The following THSD7A variants were observed in gnomAD, a reference collection of about 807,000 sequenced individuals.
THSD7A encodes thrombospondin type 1 domain containing 7A.
In THSD7A, 96 loss-of-function variants were observed where a neutral mutation model predicts 231.3. That is an observed-to-expected ratio of 0.41 (90% CI 0.35 to 0.49). The LOEUF (loss-of-function observed/expected upper bound fraction) is 0.49, where lower values mean the gene tolerates loss of function less well. Ranked by LOEUF, THSD7A falls within the 20% of genes least tolerant of loss-of-function variation. The pLI, the probability that THSD7A is intolerant of heterozygous loss-of-function variation, is 0.05. For missense variants in THSD7A, 2,290 were observed against 2,070.2 expected (o/e 1.11, Z -2.06); for synonymous variants, 940 against 743.3 (o/e 1.26, Z -4.30).
At chr7:11,788,718 T>C (rs900716494) in intron 1 of THSD7A, among the ~76,000 whole-genome samples, 3 of 151,994 alleles carry the variant, frequency 2.0e-5, no homozygotes, top group African/African-American at 7.2e-5. Flanking sequence ...TCAAATTTCA[T>C]TTTTACTACT....
At chr7:11,746,913 A>G (rs1782325757) in intron 1 of THSD7A, among the ~76,000 whole-genome samples, 2 of 151,776 alleles carry the variant, frequency 1.3e-5, no homozygotes. Context: ...TTTTTGAAAG[A>G]TAATATTGAC....
intron 1 of THSD7A, among the ~76,000 whole-genome samples, chr7:11,655,259 G>T (rs1782661508): frequency 6.6e-6 from 1 of 151,836 alleles, no homozygotes; most frequent in Admixed American, 6.6e-5. Flanking sequence ...TAGAATCTGT[G>T]ATTTGTTAGG....
chr7:11,668,816 A>G (rs1783258610), intron 1 of THSD7A, among the ~76,000 whole-genome samples: 1 of 152,208 alleles, frequency 6.6e-6, no homozygotes, highest in African/African-American at 2.4e-5. Context: ...CATTAAGAAC[A>G]ACTGATTCCT....
rs1246453628 is a variant in THSD7A at position 11,373,797 on chromosome 7, A to T, written c.*1997T>A. 1.3e-5 allele frequency: 2 copies of T among 152,098 alleles called. No individual in the cohort carries two copies. Among genetic ancestry groups the T allele is most frequent in the African/African-American group, 4.8e-5 (2 of 41,446 alleles). The allele number at this position is 152,098 out of a possible 1,614,324, so 9.4% of individuals were successfully genotyped here. On this transcript the variant is annotated 3_prime_UTR_variant, in exon 28 of 28. Coordinates refer to ENST00000423059, the MANE Select transcript of THSD7A (RefSeq NM_015204.3). ...TCTAATCCAAAACACTTTTACAGGA[A>T]CACAGCTGTTTAAGATAAAATAGCA...
intron 9 of THSD7A, among the ~76,000 whole-genome samples, chr7:11,468,847 AAAAT>A (rs1370423876): frequency 3.3e-5 from 5 of 152,098 alleles, no homozygotes; most frequent in African/African-American, 9.7e-5. Context: ...AAAATAAAAT[AAAAT>A]AAAGAATAAT....
chr7:11,710,984 C>A (rs2128148700), intron 1 of THSD7A, among the ~76,000 whole-genome samples: 1 of 150,928 alleles, frequency 6.6e-6, no homozygotes, highest in South Asian at 2.1e-4. Flanking sequence ...TTTTAAGGTG[C>A]ATCTATTAAA....
At chr7:11,727,491 A>G (rs1458394804) in intron 1 of THSD7A, among the ~76,000 whole-genome samples, 1 of 151,994 alleles carries the variant, frequency 6.6e-6, no homozygotes, top group Non-Finnish European at 1.5e-5. Flanking sequence ...CTATAGAAAT[A>G]CTTATTATAA....
chr7:11,798,699 G>A (rs1430312275), intron 1 of THSD7A, among the ~76,000 whole-genome samples: 1 of 152,040 alleles, frequency 6.6e-6, no homozygotes, highest in Non-Finnish European at 1.5e-5. Flanking sequence ...AATTGGTAAA[G>A]TTGGTATCTA....
chr7:11,702,439 T>A (rs751137735), intron 1 of THSD7A, among the ~76,000 whole-genome samples: 2 of 151,246 alleles, frequency 1.3e-5, no homozygotes, highest in East Asian at 2.0e-4. Context: ...TTCCTCCATG[T>A]CAAGCCAGGA....
intron 4 of THSD7A, among the ~76,000 whole-genome samples, chr7:11,567,615 A>G (rs7780359): frequency 0.82 from 125,387 of 152,122 alleles, 52,096 homozygotes; most frequent in African/African-American, 0.91. Context: ...AACTACCGAT[A>G]GCTGGATTTC....
Position 11,374,045 on chromosome 7 carries a change from T to A in THSD7A, c.*1749A>T, listed in dbSNP as rs1421677260. 6.6e-6 allele frequency: 1 copy of A among 152,024 alleles called. No homozygotes were observed. The highest frequency in any genetic ancestry group is 1.5e-5 in the Non-Finnish European group (1 of 67,974). 9.4% of individuals were successfully genotyped at this position (152,024 alleles called of 1,614,324 possible). ...CAGCTACTTCTGATACAGTGGGAAA[T>A]GTAATGACTGTAAATTCTCACCTTT... is the stretch of plus-strand genomic sequence containing the variant. On this transcript the variant is annotated 3_prime_UTR_variant, in exon 28 of 28. Coordinates refer to ENST00000423059, the MANE Select transcript of THSD7A (RefSeq NM_015204.3).
chr7:11,638,692 AACATTCTT>A (rs1781962799), intron 1 of THSD7A, among the ~76,000 whole-genome samples: 1 of 152,152 alleles, frequency 6.6e-6, no homozygotes, highest in South Asian at 2.1e-4. Flanking sequence ...TTAGTGATGT[AACATTCTT>A]ATAAGGGATA....
At chr7:11,724,497 G>A (rs189724588) in intron 1 of THSD7A, among the ~76,000 whole-genome samples, 58 of 151,790 alleles carry the variant, frequency 3.8e-4, no homozygotes, top group African/African-American at 8.7e-4. Context: ...TCAAGACCTA[G>A]GCAAAAATTT....
Position 11,800,989 on chromosome 7 carries a change from A to G in THSD7A, c.190+30768T>C, listed in dbSNP as rs1784258399. Reference sequence around the variant, plus strand: ...AAGTGATGGTATCAAGGGTAAACATATATGTCCAAACTCATTAAGACATAT... The same window carrying G: ...AAGTGATGGTATCAAGGGTAAACATGTATGTCCAAACTCATTAAGACATAT... On this transcript the variant is annotated intron_variant, in intron 1 of 27. Coordinates refer to ENST00000423059, the MANE Select transcript of THSD7A (RefSeq NM_015204.3). Among the ~76,000 whole-genome samples, 3 of 152,134 alleles carry G rather than the reference A, an allele frequency of 2.0e-5. No homozygotes were observed. The South Asian group carries it at 6.2e-4, about 31-fold the overall frequency.
At chr7:11,576,305 C>A (rs936946026) in intron 4 of THSD7A, among the ~76,000 whole-genome samples, 2 of 152,130 alleles carry the variant, frequency 1.3e-5, no homozygotes, top group African/African-American at 2.4e-5. Flanking sequence ...TGAATGCAAG[C>A]AATTTCTTTT....
intron 1 of THSD7A, among the ~76,000 whole-genome samples, chr7:11,645,664 T>C (rs1476088897): frequency 6.6e-6 from 1 of 151,842 alleles, no homozygotes; most frequent in Non-Finnish European, 1.5e-5. Flanking sequence ...AGAGGTGTAT[T>C]AAATACCACA....
intron 8 of THSD7A, among the ~76,000 whole-genome samples, chr7:11,473,943 G>C (rs971148628): frequency 6.6e-6 from 1 of 152,112 alleles, no homozygotes; most frequent in Non-Finnish European, 1.5e-5. Context: ...AATTAAACTA[G>C]ATTGGGCAGC....
rs73676204 is a variant in THSD7A, at chr7:11,819,911, A to G, written c.190+11846T>C. On this transcript the variant is annotated intron_variant, in intron 1 of 27. Coordinates refer to ENST00000423059, the MANE Select transcript of THSD7A (RefSeq NM_015204.3). ...GATAGTAGAAGAAAATAGTGGGAGA[A>G]TGGGAACATAAGGCAACTCTGTACT... 2.7e-3 allele frequency among the ~76,000 whole-genome samples: 404 copies of G among 152,314 alleles called. 2 individuals are homozygous for G. Among genetic ancestry groups the G allele is most frequent in the African/African-American group, 9.1e-3 (377 of 41,568 alleles).
intron 1 of THSD7A, among the ~76,000 whole-genome samples, chr7:11,787,762 G>A (rs186876702): frequency 6.6e-6 from 1 of 152,168 alleles, no homozygotes; most frequent in East Asian, 1.9e-4. Context: ...TCTAAAGCTG[G>A]TAAGGACGTA....
Sources: gnomAD v4.1 joint callset for allele counts (sites outside exome capture counted in the v4.1 genomes callset) on GRCh38, gnomAD v4.1.1 for gene constraint, MANE v1.5 for transcripts, NCBI Gene and HGNC (gene_info 2026-07-23, HGNC 2026-07-21) for gene names.